Variants in SAMMSON observed in about 807,000 individuals in gnomAD.
The protein encoded by SAMMSON is survival associated mitochondrial melanoma specific oncogenic non-coding RNA.
intron 4 of SAMMSON, among the ~76,000 whole-genome samples, chr3:70,169,127 T>TTA (rs2067650893): frequency 6.6e-6 from 1 of 152,160 alleles, no homozygotes; most frequent in East Asian, 1.9e-4. Flanking sequence ...ACACATGTGT[T>TTA]TAATGTCACA....
chr3:70,078,740 C>T lies in SAMMSON; in HGVS notation n.507+7175C>T, dbSNP rs148882864. Reference sequence around the variant, plus strand: ...TAACAGGGCCAGGCCCAGAGTAAAGCAATACAGGCACCCATGGCACAAAAC... The same window carrying T: ...TAACAGGGCCAGGCCCAGAGTAAAGTAATACAGGCACCCATGGCACAAAAC... On this transcript the variant is annotated intron_variant and non_coding_transcript_variant, in intron 4 of 9. Transcript: ENST00000642114. Among the ~76,000 whole-genome samples, 28 of 152,268 alleles carry T rather than the reference C, an allele frequency of 1.8e-4. No homozygotes were observed. The East Asian group carries it at 5.4e-3, about 29-fold the overall frequency.
intron 4 of SAMMSON, among the ~76,000 whole-genome samples, chr3:70,181,556 GT>G (rs1701053316): frequency 6.6e-6 from 1 of 152,144 alleles, no homozygotes; most frequent in Admixed American, 6.5e-5. Context: ...ATTGGGAAGA[GT>G]CCCCACCTCA....
At chr3:70,190,529 T>C (rs554334377) in intron 4 of SAMMSON, among the ~76,000 whole-genome samples, 2 of 152,368 alleles carry the variant, frequency 1.3e-5, no homozygotes, top group African/African-American at 4.8e-5. Context: ...GGCCACCTAA[T>C]TGGTCTCACC....
chr3:70,000,123 C>T (rs768607892), intron 1 of SAMMSON, among the ~76,000 whole-genome samples: 1 of 152,178 alleles, frequency 6.6e-6, no homozygotes, highest in Non-Finnish European at 1.5e-5. Context: ...TGCCTATAGA[C>T]GGCAAACTAA....
chr3:70,392,638 G>A (rs1701059800), downstream of SAMMSON, among the ~76,000 whole-genome samples: 4 of 152,288 alleles, frequency 2.6e-5, no homozygotes, highest in South Asian at 8.3e-4. Context: ...TCTAGCATCA[G>A]TCAGGCTTCT....
chr3:70,223,173 G>C (rs906050960), intron 4 of SAMMSON, among the ~76,000 whole-genome samples: 2 of 152,132 alleles, frequency 1.3e-5, no homozygotes, highest in African/African-American at 4.8e-5. Context: ...GTAACAGGGT[G>C]CTAACATGTG....
intron 4 of SAMMSON, among the ~76,000 whole-genome samples, chr3:70,145,198 A>G (rs1351344016): frequency 6.6e-6 from 1 of 152,140 alleles, no homozygotes; most frequent in Non-Finnish European, 1.5e-5. Context: ...CAGAATTTCA[A>G]AATTCCTGAA....
chr3:70,299,214 A>G (rs1312547236), intron 7 of SAMMSON, among the ~76,000 whole-genome samples: 4 of 152,152 alleles, frequency 2.6e-5, no homozygotes, highest in Non-Finnish European at 4.4e-5. Flanking sequence ...TATGCAGTAA[A>G]TCTATGTTTA....
chr3:70,005,515 C>T (rs1017119504), intron 1 of SAMMSON, among the ~76,000 whole-genome samples: 1 of 152,130 alleles, frequency 6.6e-6, no homozygotes, highest in Non-Finnish European at 1.5e-5. Context: ...TGGCTTTCTA[C>T]ATTCAAAGTG....
chr3:70,169,562 G>A (rs1320942970), intron 4 of SAMMSON, among the ~76,000 whole-genome samples: 2 of 151,818 alleles, frequency 1.3e-5, no homozygotes, highest in African/African-American at 4.8e-5. Flanking sequence ...AAAGCTTCAT[G>A]GCGAAGGTTC....
intron 2 of SAMMSON, among the ~76,000 whole-genome samples, chr3:70,406,361 A>G (rs942819797): frequency 3.3e-5 from 5 of 152,344 alleles, no homozygotes; most frequent in African/African-American, 1.2e-4. Flanking sequence ...AAAGTACTAT[A>G]GGTTTTAGAC....
intron 4 of SAMMSON, among the ~76,000 whole-genome samples, chr3:70,240,998 A>T (rs920571976): frequency 1.3e-5 from 2 of 152,160 alleles, no homozygotes; most frequent in Non-Finnish European, 2.9e-5. Flanking sequence ...AGTCAAGGAT[A>T]TTCATTTTTT....
intron 7 of SAMMSON, among the ~76,000 whole-genome samples, chr3:70,342,902 A>G (rs1702722416): frequency 6.6e-6 from 1 of 152,004 alleles, no homozygotes; most frequent in African/African-American, 2.4e-5. Flanking sequence ...GCTTGTTCCT[A>G]TATTATAGTT....
chr3:70,010,195 G>A (rs1364609830), intron 1 of SAMMSON, among the ~76,000 whole-genome samples: 3 of 151,912 alleles, frequency 2.0e-5, no homozygotes, highest in Non-Finnish European at 4.4e-5. Context: ...GGATATCCTT[G>A]TTAACTTTCT....
At chr3:70,094,114 AC>A in intron 4 of SAMMSON, among the ~76,000 whole-genome samples, 1 of 152,272 alleles carries the variant, frequency 6.6e-6, no homozygotes, top group South Asian at 2.1e-4. Flanking sequence ...CACGGCTGAA[AC>A]CTTTGAATCC....
chr3:70,048,663 C>T (rs1427059825), intron 3 of SAMMSON, among the ~76,000 whole-genome samples: 1 of 152,048 alleles, frequency 6.6e-6, no homozygotes, highest in Admixed American at 6.6e-5. Flanking sequence ...TGCTACTATA[C>T]CTATAACTAT....
intron 3 of SAMMSON, among the ~76,000 whole-genome samples, chr3:70,034,661 T>A (rs1407446965): frequency 2.0e-5 from 3 of 152,060 alleles, no homozygotes; most frequent in Non-Finnish European, 4.4e-5. Context: ...CTGGCCAACA[T>A]GGTGAAACCC....
rs1422853665 is a variant in SAMMSON, at chr3:70,174,085, T to C, written n.508-75022T>C. ...CTGGACATTCTTTTTATGAGGCATCTTGTCCAGCTTAATCTCATATAATTC... is the reference window on the plus strand; with the variant it reads ...CTGGACATTCTTTTTATGAGGCATCCTGTCCAGCTTAATCTCATATAATTC... On this transcript the variant is annotated intron_variant and non_coding_transcript_variant, in intron 4 of 9. Coordinates refer to ENST00000642114, the Ensembl canonical transcript of SAMMSON. Among the ~76,000 whole-genome samples the C allele has an allele frequency of 8.3e-5, 3 of 36,362 alleles. No homozygotes were observed. The East Asian group carries it at 2.7e-3, about 33-fold the overall frequency. 23.9% of individuals were successfully genotyped at this position (36,362 alleles called of 152,430 possible). A position where few individuals can be genotyped will look rare whatever the true frequency, so the allele number is the denominator to read the frequency against.
chr3:70,281,343 C>T (rs1407416217), intron 6 of SAMMSON, among the ~76,000 whole-genome samples: 1 of 152,162 alleles, frequency 6.6e-6, no homozygotes, highest in Non-Finnish European at 1.5e-5. Flanking sequence ...CATTCTCTCT[C>T]AACTTCATTA....
Sources: allele counts gnomAD v4.1 joint callset (sites outside exome capture counted in the v4.1 genomes callset), GRCh38; gene constraint gnomAD v4.1.1; transcripts MANE v1.5; gene names NCBI Gene and HGNC (gene_info 2026-07-23, HGNC 2026-07-21).